STYX: variants seen among roughly 807,000 people sequenced by gnomAD.
STYX encodes the protein serine/threonine/tyrosine-interacting protein.
In STYX, 20 loss-of-function variants were observed where a neutral mutation model predicts 42.7. The ratio of observed to expected loss-of-function variants is 0.47; its 90% confidence interval spans 0.33 to 0.68. The LOEUF is 0.68. STYX is among the 30% of genes least tolerant of loss of function. STYX has a pLI of 0.02. For missense variants in STYX, 226 were observed against 268.5 expected, an observed-to-expected ratio of 0.84 and a Z score of 1.11; for synonymous variants, 78 against 81.9, an observed-to-expected ratio of 0.95 and a Z score of 0.26.
intron 1 of STYX, among the ~76,000 whole-genome samples, chr14:52,740,952 AT>A (rs1332753590): frequency 1.3e-5 from 2 of 152,166 alleles, no homozygotes; most frequent in Non-Finnish European, 2.9e-5. Flanking sequence ...ATCAACATAG[AT>A]TAGTTTTCCT....
At chr14:52,758,915 G>A (rs907341725) in intron 8 of STYX, among the ~76,000 whole-genome samples, 1 of 152,214 alleles carries the variant, frequency 6.6e-6, no homozygotes, top group South Asian at 2.1e-4. Context: ...AACATGTATT[G>A]ATGGACTTTA....
At chr14:52,747,713 A>G (rs565532835) in intron 3 of STYX, among the ~76,000 whole-genome samples, 38 of 152,306 alleles carry the variant, frequency 2.5e-4, no homozygotes, top group African/African-American at 8.9e-4. Flanking sequence ...TTATCACATT[A>G]AATTAAAGTA....
intron 9 of STYX, among the ~76,000 whole-genome samples, chr14:52,767,706 T>G (rs1481810828): frequency 5.3e-5 from 8 of 152,250 alleles, no homozygotes; most frequent in East Asian, 3.9e-4. Context: ...GAAGCAGAGC[T>G]CCTTATATCA....
In STYX at chr14:52,768,824, CTT is replaced by C. The variant is rs780113883; in HGVS notation, c.505-15_505-14del. On this transcript the variant is annotated splice_polypyrimidine_tract_variant and intron_variant, in intron 9 of 10. Coordinates refer to ENST00000354586, the MANE Select transcript of STYX (RefSeq NM_145251.4). ...GTAAATATATAATTAAGTTAATTAA[CTT>C]ATTTTTTTTTTAGGAATATGAAGCC... 7.7e-7 allele frequency: 1 copy of C among 1,291,202 alleles called. No individual in the cohort carries two copies. The highest frequency in any genetic ancestry group is 1.5e-5 in the South Asian group (1 of 67,394). The allele number at this position is 1,291,202 out of a possible 1,614,324, so 80.0% of individuals were successfully genotyped here.
chr14:52,748,484 A>C (rs1881478840), intron 3 of STYX, among the ~76,000 whole-genome samples: 1 of 152,206 alleles, frequency 6.6e-6, no homozygotes, highest in Non-Finnish European at 1.5e-5. Context: ...ATACAGTTTA[A>C]ATAAAAGGGA....
intron 4 of STYX, 25 bp downstream of exon 4, chr14:52,750,805 A>G (rs940871126): frequency 2.1e-6 from 3 of 1,430,320 alleles, no homozygotes; most frequent in Non-Finnish European, 1.9e-6. Flanking sequence ...TATGATTTGT[A>G]AAACACTTAA....
chr14:52,773,334 T>C lies in STYX; in HGVS notation c.*2228T>C, dbSNP rs1882590290. The C allele has an allele frequency of 1.1e-5, 1 of 93,444 alleles. No individual in the cohort carries two copies. The highest frequency in any genetic ancestry group is 1.7e-4 in the Admixed American group (1 of 5,902). The allele number at this position is 93,444 out of a possible 1,614,324, so 5.8% of individuals were successfully genotyped here. A position where few individuals can be genotyped will look rare whatever the true frequency, so the allele number is the denominator to read the frequency against. On this transcript the variant is annotated 3_prime_UTR_variant, in exon 11 of 11. Transcript: ENST00000354586. ...CTGTGTGTATATATATATATATAGA[T>C]AGATAGATTTTTTTTTTTTTTTGAG...
intron 1 of STYX, among the ~76,000 whole-genome samples, chr14:52,740,671 C>T (rs893936733): frequency 3.3e-5 from 5 of 152,134 alleles, no homozygotes; most frequent in African/African-American, 1.2e-4. Flanking sequence ...TTATTTGTGT[C>T]CTCTGGCTTC....
At chr14:52,744,953 A>C (rs1881337291) in intron 2 of STYX, 69 bp downstream of exon 2, 6 of 1,366,726 alleles carry the variant, frequency 4.4e-6, no homozygotes, top group Non-Finnish European at 6.1e-6. Context: ...AGTTTATAGG[A>C]TTTGAGACCT....
At chr14:52,741,049 T>G (rs1220093539) in intron 1 of STYX, among the ~76,000 whole-genome samples, 1 of 152,162 alleles carries the variant, frequency 6.6e-6, no homozygotes, top group Admixed American at 6.5e-5. Context: ...TCAATGAAAT[T>G]CATCCATGTT....
In STYX at chr14:52,772,013, A is replaced by AT. The variant is rs1882530310; in HGVS notation, c.*914dup. On this transcript the variant is annotated 3_prime_UTR_variant, in exon 11 of 11. Coordinates refer to ENST00000354586, the MANE Select transcript of STYX (RefSeq NM_145251.4). ...GAATCTAATAAACCAATGTAGCATT[A>AT]TTTTTTTCTAAATGAAGCCCCAAAA... 6.6e-6 allele frequency: 1 copy of AT among 152,406 alleles called. No homozygotes were observed. The highest frequency in any genetic ancestry group is 1.5e-5 in the Non-Finnish European group (1 of 67,926). 9.4% of individuals were successfully genotyped at this position (152,406 alleles called of 1,614,324 possible).
chr14:52,759,607 CTA>C, intron 8 of STYX, 73 bp from the exon 9 acceptor site: 1 of 992,800 alleles, frequency 1.0e-6, no homozygotes, highest in Non-Finnish European at 1.6e-6. Context: ...TTACCCCTCT[CTA>C]TTGCTAAGTT....
At chr14:52,768,013 C>T (rs963101740) in intron 9 of STYX, among the ~76,000 whole-genome samples, 78 of 152,034 alleles carry the variant, frequency 5.1e-4, no homozygotes, top group Non-Finnish European at 1.0e-3. Flanking sequence ...TCACATTTTC[C>T]TTAATATGTC....
At position 52,750,748 on chromosome 14, in the gene STYX, C is replaced by T. The variant is rs1400912848; in HGVS notation, c.210C>T (p.Asn70=). ...IICIRQNIEA[N]FIKPNFQQLF... ...GCATACGACAAAATATTGAAGCAAA[C>T]TTTATTAAACCAAACTTTCAGCAGT... Residue 70 remains asparagine, a synonymous_variant, in exon 4 of 11, where the codon AAC becomes AAT. Coordinates refer to ENST00000354586, the MANE Select transcript of STYX (RefSeq NM_145251.4). 6.3e-7 allele frequency: 1 copy of T among 1,592,268 alleles called. No homozygotes were observed. The highest frequency in any genetic ancestry group is 1.8e-5 in the Admixed American group (1 of 56,920).
chr14:52,764,794 G>A (rs1882236295), intron 9 of STYX, among the ~76,000 whole-genome samples: 1 of 148,162 alleles, frequency 6.7e-6, no homozygotes, highest in South Asian at 2.2e-4. Context: ...TCAGCCTCCC[G>A]AGTAGCTGGG....
In STYX at chr14:52,773,663, C is replaced by G. The variant is rs1233914561; in HGVS notation, c.*2557C>G. Reference sequence around the variant, plus strand: ...GAGTACAATATTAATGTAGACAAACCATGAAGTTTATTATTTCATATAAGA... The same window carrying G: ...GAGTACAATATTAATGTAGACAAACGATGAAGTTTATTATTTCATATAAGA... On this transcript the variant is annotated 3_prime_UTR_variant, in exon 11 of 11. Transcript: ENST00000354586. 1 of 151,936 alleles carries G rather than the reference C, an allele frequency of 6.6e-6. No individual in the cohort carries two copies. Among genetic ancestry groups the G allele is most frequent in the Non-Finnish European group, 1.5e-5 (1 of 68,000 alleles). The allele number at this position is 151,936 out of a possible 1,614,324, so 9.4% of individuals were successfully genotyped here.
At chr14:52,747,078 A>G (rs1407331487) in intron 3 of STYX, among the ~76,000 whole-genome samples, 1 of 152,252 alleles carries the variant, frequency 6.6e-6, no homozygotes, top group Admixed American at 6.5e-5. Flanking sequence ...AGGCAAAACA[A>G]ACAAATCCAA....
chr14:52,740,659 A>C lies in STYX; in HGVS notation c.58-4193A>C, dbSNP rs368624884. Among the ~76,000 whole-genome samples, 12 of 152,242 alleles carry C rather than the reference A, an allele frequency of 7.9e-5. No individual in the cohort carries two copies. In the East Asian group the frequency reaches 2.1e-3, roughly 27 times the overall value. ...TGTTTTTGTCCTGCCACTATGAATGAATTATTTGTGTCCTCTGGCTTCTGT... is the reference window on the plus strand; with the variant it reads ...TGTTTTTGTCCTGCCACTATGAATGCATTATTTGTGTCCTCTGGCTTCTGT... On this transcript the variant is annotated intron_variant, in intron 1 of 10. Coordinates refer to ENST00000354586, the MANE Select transcript of STYX (RefSeq NM_145251.4).
At chr14:52,756,511 T>C (rs1283037482) in intron 4 of STYX, 40 bp from the exon 5 acceptor site, 1 of 1,178,780 alleles carries the variant, frequency 8.5e-7, no homozygotes, top group Non-Finnish European at 1.2e-6. Flanking sequence ...CTTAAGTGTT[T>C]TACTTAAAGT....
Sources: gnomAD v4.1 joint callset for allele counts (sites outside exome capture counted in the v4.1 genomes callset) on GRCh38, gnomAD v4.1.1 for gene constraint, MANE v1.5 for transcripts, NCBI Gene and HGNC (gene_info 2026-07-23, HGNC 2026-07-21) for gene names.